Variants in PARG observed in about 807,000 individuals in gnomAD.
The protein encoded by PARG is mitochondrial poly(ADP-ribose) glycohydrolase.
In PARG, 35 loss-of-function variants were observed where a neutral mutation model predicts 113.0. The ratio of observed to expected loss-of-function variants is 0.31; its 90% CI spans 0.24 to 0.41. The LOEUF (loss-of-function observed/expected upper bound fraction) is 0.41. Among genes scored for constraint, PARG ranks in the 10% least tolerant of loss-of-function variants. The pLI is 1.00. For missense variants in PARG, 797 were observed against 1,169.4 expected (o/e 0.68, Z 4.64); for synonymous variants, 330 against 409.9 (o/e 0.81, Z 2.36).
intron 7 of PARG, among the ~76,000 whole-genome samples, chr10:49,904,313 G>A (rs1285023555): frequency 6.6e-6 from 1 of 151,488 alleles, no homozygotes; most frequent in Admixed American, 6.6e-5. Flanking sequence ...CAGAGAGAAA[G>A]AGCAAAAGAA....
chr10:49,931,137 G>A (rs1838456170), intron 4 of PARG, among the ~76,000 whole-genome samples: 1 of 151,178 alleles, frequency 6.6e-6, no homozygotes, highest in Admixed American at 6.6e-5. Flanking sequence ...ATTGGTTTTT[G>A]TCCAGGTTCT....
At chr10:49,921,443 G>T (rs1837866357) in intron 6 of PARG, among the ~76,000 whole-genome samples, 3 of 151,538 alleles carry the variant, frequency 2.0e-5, no homozygotes, top group Admixed American at 2.0e-4. Context: ...TAAAAAAAGA[G>T]CCCATTAGAA....
At chr10:49,836,806 A>G (rs1844958444) in intron 15 of PARG, among the ~76,000 whole-genome samples, 1 of 152,222 alleles carries the variant, frequency 6.6e-6, no homozygotes, top group Non-Finnish European at 1.5e-5. Flanking sequence ...AAACATCAAT[A>G]AACAGATCAA....
At chr10:49,829,473 AT>A (rs201725087) in intron 16 of PARG, among the ~76,000 whole-genome samples, 1,645 of 152,240 alleles carry the variant, frequency 0.011, 28 homozygotes, top group African/African-American at 0.038. Context: ...CACCATGAAC[AT>A]TTTTTATAAG....
intron 13 of PARG, among the ~76,000 whole-genome samples, chr10:49,844,646 A>G (rs1384096179): frequency 1.3e-5 from 2 of 150,104 alleles, no homozygotes; most frequent in Non-Finnish European, 3.0e-5. Context: ...AAGACACTAG[A>G]AAAAAAAAGA....
rs552514333 is a variant in PARG, at chr10:49,927,329, G to A, written c.1456-4660C>T. Among the ~76,000 whole-genome samples, 336 of 104,806 alleles carry A rather than the reference G, an allele frequency of 3.2e-3. 4 individuals carry two copies. The highest frequency in any genetic ancestry group is 0.014 in the African/African-American group (302 of 21,286). The allele number at this position is 104,806 out of a possible 152,430, so 68.8% of individuals were successfully genotyped here. ...AAGAAAGAAAGAAAGAAAGAAAGAA[G>A]GAAAGAAGGAAGGAAGGAAGGAAAG... is the stretch of plus-strand genomic sequence containing the variant. On this transcript the variant is annotated intron_variant, in intron 4 of 17. Coordinates refer to ENST00000616448, the MANE Select transcript of PARG (RefSeq NM_003631.5).
chr10:49,847,166 A>G (rs2132473493), intron 13 of PARG, among the ~76,000 whole-genome samples: 2 of 152,280 alleles, frequency 1.3e-5, no homozygotes, highest in Middle Eastern at 6.8e-3. Context: ...CCTTCCTTAT[A>G]GTAGAATGCC....
At chr10:49,933,057 T>G in intron 3 of PARG, 120 bp downstream of exon 3, 2 of 723,458 alleles carry the variant, frequency 2.8e-6, no homozygotes, top group Non-Finnish European at 4.7e-6. Context: ...TTAGCATAAG[T>G]AGTTAACAAG....
rs78499364 is a variant in PARG at position 49,845,058 on chromosome 10, A to C, written c.2354-1426T>G. Among the ~76,000 whole-genome samples, 254 of 152,352 alleles carry C rather than the reference A, an allele frequency of 1.7e-3. 3 individuals are homozygous for C. Among genetic ancestry groups the C allele is most frequent in the African/African-American group, 6.0e-3 (248 of 41,598 alleles). On this transcript the variant is annotated intron_variant, in intron 13 of 17. Transcript: ENST00000616448. ...ATAAAAAAAATCACAGTGAGAAACCACCATACACTCAAAAGAGAGGCTAAA... is the reference window on the plus strand; with the variant it reads ...ATAAAAAAAATCACAGTGAGAAACCCCCATACACTCAAAAGAGAGGCTAAA...
At chr10:49,887,691 G>A (rs1847564612) in intron 7 of PARG, among the ~76,000 whole-genome samples, 1 of 152,026 alleles carries the variant, frequency 6.6e-6, no homozygotes, top group Non-Finnish European at 1.5e-5. Flanking sequence ...TCCATGGTTT[G>A]TTTAGCAATT....
chr10:49,850,663 A>C (rs1465814032), intron 13 of PARG, among the ~76,000 whole-genome samples: 1 of 152,144 alleles, frequency 6.6e-6, no homozygotes, highest in African/African-American at 2.4e-5. Flanking sequence ...GTTAACTCGG[A>C]AAACAAATAC....
chr10:49,904,676 A>G (rs1257392161), intron 7 of PARG, among the ~76,000 whole-genome samples: 8 of 151,722 alleles, frequency 5.3e-5, no homozygotes, highest in Admixed American at 5.3e-4. Context: ...GCACTTTGGG[A>G]GGCCCAACGT....
intron 16 of PARG, among the ~76,000 whole-genome samples, chr10:49,822,703 C>T (rs1554828857): frequency 6.6e-6 from 1 of 152,102 alleles, no homozygotes; most frequent in Admixed American, 6.5e-5. Flanking sequence ...GAAAAAAATC[C>T]TCAACTCTGC....
intron 13 of PARG, among the ~76,000 whole-genome samples, chr10:49,856,596 C>T (rs1463251112): frequency 1.1e-4 from 16 of 152,146 alleles, no homozygotes; most frequent in Non-Finnish European, 2.2e-4. Flanking sequence ...TACTAAAGTA[C>T]AAGAAACCAC....
intron 16 of PARG, among the ~76,000 whole-genome samples, chr10:49,829,345 A>G (rs1233239326): frequency 6.8e-4 from 103 of 152,196 alleles, no homozygotes; most frequent in Non-Finnish European, 6.8e-4. Flanking sequence ...CATTCCTCCC[A>G]CCTCAGCCTC....
intron 7 of PARG, chr10:49,908,523 CA>C (rs782380254): frequency 3.3e-5 from 5 of 152,008 alleles, no homozygotes; most frequent in Non-Finnish European, 7.4e-5. Context: ...CACTGAACTC[CA>C]AATCAGAGGT....
At chr10:49,919,864 A>T (rs1376211924) in intron 6 of PARG, among the ~76,000 whole-genome samples, 1 of 152,182 alleles carries the variant, frequency 6.6e-6, no homozygotes, top group East Asian at 1.9e-4. Flanking sequence ...GTTCTATATA[A>T]GGATCCCATC....
intron 6 of PARG, among the ~76,000 whole-genome samples, chr10:49,918,868 G>C (rs1240228032): frequency 2.3e-4 from 35 of 152,098 alleles, no homozygotes; most frequent in Admixed American, 2.3e-3. Flanking sequence ...ACCCCTTCCT[G>C]AAATAATCAT....
chr10:49,861,994 G>A (rs1846275286), intron 11 of PARG, among the ~76,000 whole-genome samples: 1 of 151,764 alleles, frequency 6.6e-6, no homozygotes, highest in South Asian at 2.1e-4. Flanking sequence ...GGCTAGAGTT[G>A]GCAATCTGAG....
Sources: gnomAD v4.1 joint callset for allele counts (sites outside exome capture counted in the v4.1 genomes callset) on GRCh38, gnomAD v4.1.1 for gene constraint, MANE v1.5 for transcripts, NCBI Gene and HGNC (gene_info 2026-07-23, HGNC 2026-07-21) for gene names.